The following ZNF600 variants were observed in gnomAD, a reference collection of about 807,000 sequenced individuals.
ZNF600 encodes zinc finger protein KR-ZNF1.
In ZNF600, 4 loss-of-function variants were observed where a neutral mutation model predicts 7.3. That is an observed-to-expected ratio of 0.55 (90% CI 0.27 to 1.25). The LOEUF (loss-of-function observed/expected upper bound fraction) is 1.25. ZNF600 is among the 50% of genes most tolerant of loss of function. The pLI is 0.12. For missense variants in ZNF600, 911 were observed against 922.1 expected (o/e 0.99, Z 0.16); for synonymous variants, 290 against 308.9 (o/e 0.94, Z 0.64).
rs1052779847 is a variant in ZNF600 at position 52,781,921 on chromosome 19, C to T, written c.-19-3014G>A. 4.6e-5 allele frequency among the ~76,000 whole-genome samples: 7 copies of T among 152,202 alleles called. No individual in the cohort carries two copies. The East Asian group carries it at 7.7e-4, about 17-fold the overall frequency. On this transcript the variant is annotated intron_variant, in intron 1 of 3. Coordinates refer to ENST00000648973, the Ensembl canonical transcript of ZNF600. Reference sequence around the variant, plus strand: ...ACTAAAAATACACAAATTAGCCAGGCGTAGGGGTGTATGCCTGTAATCCCA... The same window carrying T: ...ACTAAAAATACACAAATTAGCCAGGTGTAGGGGTGTATGCCTGTAATCCCA...
the ZNF600 span, among the ~76,000 whole-genome samples, chr19:52,824,177 A>G: frequency 1.3e-5 from 2 of 152,050 alleles, no homozygotes; most frequent in Non-Finnish European, 2.9e-5. Flanking sequence ...AACAAAACAA[A>G]AAACAAAAAA....
At chr19:52,817,241 G>C in the ZNF600 span, among the ~76,000 whole-genome samples, 1 of 152,006 alleles carries the variant, frequency 6.6e-6, no homozygotes, top group Admixed American at 6.6e-5. Flanking sequence ...GCATGGTGGC[G>C]CATGCTTGTA....
At chr19:52,765,227 C>G (rs1004492778) in exon 4 of ZNF600, 2 of 547,538 alleles carry the variant, frequency 3.7e-6, no homozygotes, top group African/African-American at 3.8e-5. Flanking sequence ...ACCTCGGACT[C>G]AAGACCTTGC....
At chr19:52,826,893 A>G in the ZNF600 span, among the ~76,000 whole-genome samples, 1 of 151,972 alleles carries the variant, frequency 6.6e-6, no homozygotes, top group African/African-American at 2.4e-5. Context: ...CACCTAAAAA[A>G]GAAAAAAAAG....
chr19:52,810,154 C>A, the ZNF600 span: 19 of 926,536 alleles, frequency 2.1e-5, no homozygotes, highest in Admixed American at 1.7e-4. Context: ...GGGCTGGAAG[C>A]TATCGAAGCT....
At chr19:52,800,511 C>T in the ZNF600 span, 6 of 1,613,598 alleles carry the variant, frequency 3.7e-6, no homozygotes, top group Non-Finnish European at 5.1e-6. Flanking sequence ...AAAAACCTTG[C>T]CACATTCATT....
chr19:52,784,454 G>A (rs80113490), intron 1 of ZNF600, among the ~76,000 whole-genome samples: 1,794 of 152,230 alleles, frequency 0.012, 18 homozygotes, highest in Non-Finnish European at 0.017. Flanking sequence ...ATAAGAGAAA[G>A]TGATTTTTTT....
At chr19:52,798,931 C>CAT in the ZNF600 span, 2 of 1,427,902 alleles carry the variant, frequency 1.4e-6, no homozygotes, top group Non-Finnish European at 9.5e-7. Flanking sequence ...ACTCATTGCA[C>CAT]TTGTAAGGTT....
the ZNF600 span, among the ~76,000 whole-genome samples, chr19:52,816,482 G>A: frequency 1.4e-5 from 2 of 145,266 alleles, no homozygotes; most frequent in African/African-American, 5.4e-5. Context: ...GGCTAACACG[G>A]TGAAACCCCG....
intron 2 of ZNF600, among the ~76,000 whole-genome samples, chr19:52,777,876 G>A (rs1023883847): frequency 4.6e-5 from 7 of 151,964 alleles, no homozygotes; most frequent in Admixed American, 2.0e-4. Flanking sequence ...ACATACATAC[G>A]GTGACCCATG....
chr19:52,777,756 G>C (rs992351218), intron 2 of ZNF600, among the ~76,000 whole-genome samples: 1 of 152,052 alleles, frequency 6.6e-6, no homozygotes, highest in African/African-American at 2.4e-5. Context: ...TTGAAACTGG[G>C]AGATGGAGGT....
At chr19:52,789,437 A>G (rs1351432185), upstream of ZNF600, among the ~76,000 whole-genome samples, 1 of 152,214 alleles carries the variant, frequency 6.6e-6, no homozygotes. Flanking sequence ...TTATGTATAC[A>G]TGTAACTTTC....
chr19:52,831,688 T>C, the ZNF600 span, among the ~76,000 whole-genome samples: 74 of 152,112 alleles, frequency 4.9e-4, no homozygotes, highest in African/African-American at 1.8e-3. Context: ...GTATTTTTAT[T>C]AGAGATGGGG....
At chr19:52,773,738 G>A (rs2062649602) in intron 3 of ZNF600, among the ~76,000 whole-genome samples, 1 of 152,058 alleles carries the variant, frequency 6.6e-6, no homozygotes, top group South Asian at 2.1e-4. Flanking sequence ...CCGGCATGGT[G>A]GTGCATGTCT....
chr19:52,782,803 A>T (rs955007083), intron 1 of ZNF600, among the ~76,000 whole-genome samples: 1 of 152,068 alleles, frequency 6.6e-6, no homozygotes, highest in Non-Finnish European at 1.5e-5. Context: ...TGAACCCGAG[A>T]GCCGGAGGTT....
At chr19:52,806,352 C>T in the ZNF600 span, among the ~76,000 whole-genome samples, 7 of 151,980 alleles carry the variant, frequency 4.6e-5, no homozygotes, top group Admixed American at 3.3e-4. Flanking sequence ...CACCACGGCG[C>T]CTGGCTAATT....
At chr19:52,773,862 C>A (rs2062650514) in intron 3 of ZNF600, among the ~76,000 whole-genome samples, 1 of 151,006 alleles carries the variant, frequency 6.6e-6, no homozygotes, top group Non-Finnish European at 1.5e-5. Context: ...CAGAGCAATA[C>A]TCCATCTAAA....
At chr19:52,782,433 GA>G (rs1355657083) in intron 1 of ZNF600, among the ~76,000 whole-genome samples, 2 of 150,354 alleles carry the variant, frequency 1.3e-5, no homozygotes, top group Non-Finnish European at 3.0e-5. Context: ...TGAGGCAGGA[GA>G]ATCACTTGAA....
chr19:52,804,923 C>T, the ZNF600 span, among the ~76,000 whole-genome samples: 11 of 152,304 alleles, frequency 7.2e-5, 1 homozygote, highest in South Asian at 1.7e-3. Flanking sequence ...AGAGTCTGTA[C>T]TGTAAAACTT....
Sources: allele counts gnomAD v4.1 joint callset (sites outside exome capture counted in the v4.1 genomes callset), GRCh38; gene constraint gnomAD v4.1.1; transcripts MANE v1.5; gene names NCBI Gene and HGNC (gene_info 2026-07-23, HGNC 2026-07-21).